Variants in SYN3 observed in about 807,000 individuals in gnomAD.
SYN3 encodes the protein synapsin-3.
A neutral mutation model predicts 65.8 loss-of-function variants in SYN3; 35 were observed. The ratio of observed to expected loss-of-function variants is 0.53; its 90% CI spans 0.41 to 0.70. The LOEUF is 0.70. Among genes scored for constraint, SYN3 ranks in the 30% least tolerant of loss-of-function variants. The probability of loss-of-function intolerance (pLI) is 0.00; values close to 1 mark genes in which losing one functional copy is unlikely to be tolerated. For missense variants in SYN3, 680 were observed against 749.0 expected (o/e 0.91, Z 1.08); for synonymous variants, 270 against 292.9 (o/e 0.92, Z 0.80).
At chr22:32,806,587 G>T (rs1456109229) in intron 6 of SYN3, among the ~76,000 whole-genome samples, 1 of 152,178 alleles carries the variant, frequency 6.6e-6, no homozygotes. Flanking sequence ...TCTGGGGCTT[G>T]TTGGCTGTGT....
intron 1 of SYN3, among the ~76,000 whole-genome samples, chr22:33,046,657 A>G (rs1481906747): frequency 2.0e-5 from 3 of 151,976 alleles, no homozygotes; most frequent in Non-Finnish European, 4.4e-5. Flanking sequence ...CCTGGCCAAC[A>G]TGGTAAAACC....
chr22:32,965,050 T>G (rs574766435), intron 3 of SYN3, among the ~76,000 whole-genome samples: 1 of 152,300 alleles, frequency 6.6e-6, no homozygotes, highest in Non-Finnish European at 1.5e-5. Context: ...CTGGAGCATC[T>G]GGGTCCACAT....
intron 2 of SYN3, among the ~76,000 whole-genome samples, chr22:33,004,105 TG>T (rs1264537219): frequency 6.6e-6 from 1 of 152,162 alleles, no homozygotes; most frequent in East Asian, 1.9e-4. Flanking sequence ...TGGAAACACT[TG>T]GGTGTCCAGG....
chr22:32,819,587 T>A (rs2047179993), intron 6 of SYN3, among the ~76,000 whole-genome samples: 1 of 152,018 alleles, frequency 6.6e-6, no homozygotes, highest in African/African-American at 2.4e-5. Flanking sequence ...AGTGCTAAGG[T>A]CACAAAAATG....
chr22:32,617,531 C>T (rs1432872116), intron 6 of SYN3, among the ~76,000 whole-genome samples: 1 of 150,018 alleles, frequency 6.7e-6, no homozygotes, highest in Admixed American at 6.7e-5. Flanking sequence ...CCGTGGAGCT[C>T]AGGATATTCA....
chr22:32,586,081 C>T (rs62232737), intron 7 of SYN3, among the ~76,000 whole-genome samples: 12 of 142,964 alleles, frequency 8.4e-5, no homozygotes, highest in Admixed American at 5.5e-4. Flanking sequence ...TACATGTATA[C>T]ATGTATATAT....
chr22:32,553,742 G>C (rs1382112112), intron 7 of SYN3, among the ~76,000 whole-genome samples: 1 of 152,134 alleles, frequency 6.6e-6, no homozygotes, highest in African/African-American at 2.4e-5. Flanking sequence ...AGAGTCTATG[G>C]GACACCCAGT....
intron 6 of SYN3, among the ~76,000 whole-genome samples, chr22:32,769,550 C>T (rs1051196747): frequency 1.4e-5 from 2 of 144,174 alleles, no homozygotes; most frequent in Admixed American, 1.4e-4. Flanking sequence ...GAGTTTTGCT[C>T]TTGTTGCCCA....
chr22:33,044,915 T>C (rs576019076), intron 1 of SYN3, among the ~76,000 whole-genome samples: 1 of 151,358 alleles, frequency 6.6e-6, no homozygotes, highest in African/African-American at 2.4e-5. Flanking sequence ...TGATCTCGGC[T>C]CACCACAACC....
chr22:32,974,113 T>C (rs1462590570), intron 3 of SYN3, among the ~76,000 whole-genome samples: 2 of 152,170 alleles, frequency 1.3e-5, no homozygotes, highest in African/African-American at 2.4e-5. Flanking sequence ...TAAAGAGGCA[T>C]TGTGAGGTTG....
chr22:32,702,362 C>T (rs1394387729), intron 6 of SYN3, among the ~76,000 whole-genome samples: 1 of 152,100 alleles, frequency 6.6e-6, no homozygotes, highest in African/African-American at 2.4e-5. Context: ...CCTGTAGTCC[C>T]AGCTACTCGG....
At chr22:32,947,653 A>C (rs1002963214) in intron 3 of SYN3, 1 of 152,284 alleles carries the variant, frequency 6.6e-6, no homozygotes, top group African/African-American at 2.4e-5. Context: ...ATGGAAGCAC[A>C]TAATAGAAGG....
At chr22:32,533,738 CT>C in intron 10 of SYN3, 54 bp downstream of exon 10, 2 of 1,302,380 alleles carry the variant, frequency 1.5e-6, no homozygotes, top group South Asian at 2.4e-5. Flanking sequence ...TTCCCTCCCC[CT>C]GGCACGCCTG....
chr22:32,770,202 A>G (rs1250425307), intron 6 of SYN3, among the ~76,000 whole-genome samples: 1 of 152,176 alleles, frequency 6.6e-6, no homozygotes, highest in Non-Finnish European at 1.5e-5. Flanking sequence ...ACCTCGTTTT[A>G]CCACATCTAT....
chr22:32,936,569 G>C (rs1353227548), intron 3 of SYN3, among the ~76,000 whole-genome samples: 3 of 152,140 alleles, frequency 2.0e-5, no homozygotes, highest in Non-Finnish European at 1.5e-5. Context: ...TAACTAATTT[G>C]AGCATACATG....
At chr22:32,595,893 A>G (rs2059191918) in intron 7 of SYN3, among the ~76,000 whole-genome samples, 1 of 152,168 alleles carries the variant, frequency 6.6e-6, no homozygotes, top group African/African-American at 2.4e-5. Flanking sequence ...CCTGGCCAAC[A>G]TGGTGAAACC....
intron 6 of SYN3, among the ~76,000 whole-genome samples, chr22:32,840,284 GAGTT>G (rs1231918696): frequency 6.6e-6 from 1 of 152,176 alleles, no homozygotes; most frequent in Non-Finnish European, 1.5e-5. Context: ...TTAACGGAAA[GAGTT>G]AGTCAGGACA....
Position 32,762,012 on chromosome 22 carries a change from C to T in SYN3, c.711+102903G>A, listed in dbSNP as rs77136832. ...TGCCCTGAGTGCCACCTGTCCTTAG[C>T]GAGGGCTTGGGTGGGTGATGGCATC... is the stretch of plus-strand genomic sequence containing the variant. On this transcript the variant is annotated intron_variant, in intron 6 of 13. Coordinates refer to ENST00000358763, the MANE Select transcript of SYN3 (RefSeq NM_003490.4). Among the ~76,000 whole-genome samples the T allele has an allele frequency of 8.1e-4, 123 of 152,302 alleles. 1 individual carries two copies. Among genetic ancestry groups the T allele is most frequent in the Admixed American group, 5.8e-3 (88 of 15,296 alleles).
intron 1 of SYN3, among the ~76,000 whole-genome samples, chr22:33,010,613 A>C (rs75358790): frequency 0.015 from 2,241 of 152,232 alleles, 56 homozygotes; most frequent in African/African-American, 0.051. Context: ...CTCCAACTTA[A>C]ATTTTCTGTC....
Sources: allele counts gnomAD v4.1 joint callset (sites outside exome capture counted in the v4.1 genomes callset), GRCh38; gene constraint gnomAD v4.1.1; transcripts MANE v1.5; gene names NCBI Gene and HGNC (gene_info 2026-07-23, HGNC 2026-07-21).